Variants in SPECC1 observed in about 807,000 individuals in gnomAD.
SPECC1 encodes sperm antigen with calponin homology and coiled-coil domains 1.
A neutral mutation model predicts 104.1 loss-of-function variants in SPECC1; 62 were observed. The observed-to-expected ratio is 0.60, with a 90% CI of 0.49 to 0.74. The LOEUF is 0.74. Ranked by LOEUF, SPECC1 falls within the 30% of genes least tolerant of loss-of-function variation. The pLI is 0.00. For missense variants in SPECC1, 1,306 were observed against 1,310.5 expected (o/e 1.00, Z 0.05); for synonymous variants, 513 against 501.6 (o/e 1.02, Z -0.30).
intron 3 of SPECC1, among the ~76,000 whole-genome samples, chr17:20,168,708 T>G (rs781657425): frequency 1.1e-4 from 16 of 152,200 alleles, no homozygotes; most frequent in Non-Finnish European, 2.2e-4. Flanking sequence ...GCATGAGAAC[T>G]TATGGCAATT....
chr17:20,036,004 G>A (rs2045061369), intron 1 of SPECC1, among the ~76,000 whole-genome samples: 1 of 151,850 alleles, frequency 6.6e-6, no homozygotes, highest in Non-Finnish European at 1.5e-5. Flanking sequence ...GTAGAGATGG[G>A]GTTTCACCAT....
intron 7 of SPECC1, among the ~76,000 whole-genome samples, chr17:20,239,965 C>T (rs1405729772): frequency 7.4e-6 from 1 of 134,338 alleles, no homozygotes; most frequent in African/African-American, 2.8e-5. Context: ...ACAGTCATGG[C>T]TCACTGCAGC....
intron 1 of SPECC1, among the ~76,000 whole-genome samples, chr17:20,095,436 G>A (rs1366289677): frequency 3.3e-5 from 5 of 152,206 alleles, no homozygotes; most frequent in Non-Finnish European, 7.3e-5. Flanking sequence ...GCTCTGCAGC[G>A]TGAGCTCAGT....
intron 13 of SPECC1, among the ~76,000 whole-genome samples, chr17:20,300,154 G>A (rs2041519527): frequency 6.6e-6 from 1 of 152,190 alleles, no homozygotes; most frequent in Non-Finnish European, 1.5e-5. Context: ...CCAGTCCCTT[G>A]GTCTTAGGGA....
intron 3 of SPECC1, among the ~76,000 whole-genome samples, chr17:20,184,181 C>CAA (rs759475722): frequency 2.1e-3 from 93 of 43,392 alleles, no homozygotes; most frequent in African/African-American, 3.7e-3. Context: ...ACTCCTGTCT[C>CAA]AAAAAAAAAA....
intron 3 of SPECC1, among the ~76,000 whole-genome samples, chr17:20,151,353 C>T (rs750640820): frequency 6.6e-6 from 1 of 152,220 alleles, no homozygotes; most frequent in Non-Finnish European, 1.5e-5. Flanking sequence ...AAACCTTCAA[C>T]AGTACTGCGT....
Position 20,038,260 on chromosome 17 carries a change from A to G in SPECC1, c.-22+28836A>G, listed in dbSNP as rs985168010. 1.2e-4 allele frequency among the ~76,000 whole-genome samples: 17 copies of G among 147,040 alleles called. No homozygotes were observed. The Admixed American group carries it at 1.2e-3, about 10-fold the overall frequency. The stretch of plus-strand genomic sequence containing the variant: ...TCTTTCTTTTGCTTGCTTTGGGTTT[A>G]TTTTGCTCTTCATCTTCTGTGTTCT... On this transcript the variant is annotated intron_variant, in intron 1 of 14. Transcript: ENST00000395527.
intron 1 of SPECC1, among the ~76,000 whole-genome samples, chr17:20,064,986 A>G (rs1045391170): frequency 6.6e-6 from 1 of 152,224 alleles, no homozygotes; most frequent in African/African-American, 2.4e-5. Context: ...GAGCAGTTAT[A>G]GTCAGACTTT....
chr17:20,219,303 C>G (rs1426202165), intron 4 of SPECC1, among the ~76,000 whole-genome samples: 2 of 152,154 alleles, frequency 1.3e-5, no homozygotes, highest in Non-Finnish European at 2.9e-5. Flanking sequence ...TCTGCATCTT[C>G]CCCAGCATTT....
chr17:20,252,272 A>C, intron 9 of SPECC1, among the ~76,000 whole-genome samples: 1 of 152,090 alleles, frequency 6.6e-6, no homozygotes, highest in Middle Eastern at 3.4e-3. Context: ...TTTTTTTTAA[A>C]TTTTTAATTT....
chr17:20,272,960 G>T (rs1254106453), intron 12 of SPECC1, among the ~76,000 whole-genome samples: 1 of 152,092 alleles, frequency 6.6e-6, no homozygotes, highest in African/African-American at 2.4e-5. Flanking sequence ...CTTTATGCTG[G>T]AGGTTTGACT....
intron 3 of SPECC1, among the ~76,000 whole-genome samples, chr17:20,170,369 A>G (rs2033994431): frequency 6.6e-6 from 1 of 152,220 alleles, no homozygotes; most frequent in African/African-American, 2.4e-5. Flanking sequence ...AGTAGGTTTG[A>G]TATTTCAAAA....
intron 12 of SPECC1, among the ~76,000 whole-genome samples, chr17:20,285,003 A>G (rs1350499799): frequency 6.6e-6 from 1 of 152,210 alleles, no homozygotes; most frequent in African/African-American, 2.4e-5. Context: ...GGTGAAGGTA[A>G]AGAAGTACTG....
At position 20,111,813 on chromosome 17, in the gene SPECC1, G is replaced by T. The variant is rs572069687; in HGVS notation, c.283+1251G>T. On this transcript the variant is annotated intron_variant, in intron 3 of 14. Transcript: ENST00000395527. ...GGTGGCTCACTCAGGACCCAGGGGG[G>T]GGGCAGCGCGATGAGGTGGGTGGCC... The T allele has an allele frequency of 4.0e-5, 33 of 831,528 alleles. 1 individual carries two copies. The highest frequency in any genetic ancestry group is 3.3e-4 in the South Asian group (25 of 74,866). 51.5% of individuals were successfully genotyped at this position (831,528 alleles called of 1,614,324 possible).
chr17:20,016,526 G>A (rs1000176494), intron 1 of SPECC1, among the ~76,000 whole-genome samples: 2 of 152,208 alleles, frequency 1.3e-5, no homozygotes, highest in Non-Finnish European at 2.9e-5. Context: ...GTGAGTTCCC[G>A]GTGGGCGTGG....
chr17:20,035,916 C>G (rs9893185), intron 1 of SPECC1, among the ~76,000 whole-genome samples: 1 of 152,008 alleles, frequency 6.6e-6, no homozygotes, highest in Non-Finnish European at 1.5e-5. Context: ...CCTCTGCCTC[C>G]GGGTTCAAGT....
At chr17:20,139,434 G>A (rs1026372475) in intron 3 of SPECC1, among the ~76,000 whole-genome samples, 8 of 152,082 alleles carry the variant, frequency 5.3e-5, no homozygotes, top group African/African-American at 1.2e-4. Context: ...AGCAGTTAAC[G>A]ACAACAAAAA....
intron 3 of SPECC1, among the ~76,000 whole-genome samples, chr17:20,196,109 T>G (rs2036017065): frequency 6.6e-6 from 1 of 152,230 alleles, no homozygotes; most frequent in Non-Finnish European, 1.5e-5. Flanking sequence ...AACCTTTAGC[T>G]TTATTCTAAC....
chr17:20,122,901 T>G (rs900447768), intron 3 of SPECC1, among the ~76,000 whole-genome samples: 6 of 152,242 alleles, frequency 3.9e-5, no homozygotes, highest in Admixed American at 1.3e-4. Flanking sequence ...CCTTGGCCTA[T>G]TTCTACCTTT....
Sources: allele counts gnomAD v4.1 joint callset (sites outside exome capture counted in the v4.1 genomes callset), GRCh38; gene constraint gnomAD v4.1.1; transcripts MANE v1.5; gene names NCBI Gene and HGNC (gene_info 2026-07-23, HGNC 2026-07-21).